Variants in PLEKHH2 observed in about 807,000 individuals in gnomAD.
The protein encoded by PLEKHH2 is pleckstrin homology, MyTH4 and FERM domain containing H2.
PLEKHH2 carries 129 observed loss-of-function variants against 187.9 expected under a neutral mutation model. The ratio of observed to expected loss-of-function variants is 0.69; its 90% CI spans 0.59 to 0.79. The LOEUF is 0.79. Ranked by LOEUF, PLEKHH2 falls within the 30% of genes least tolerant of loss-of-function variation. The pLI is 0.00. For synonymous variants in PLEKHH2, 686 were observed against 605.6 expected, an observed-to-expected ratio of 1.13 and a Z score of -1.95; for missense variants, 2,076 against 1,751.2, an observed-to-expected ratio of 1.19 and a Z score of -3.31.
chr2:43,681,342 G>A (rs1246611438), intron 3 of PLEKHH2: 20 of 1,143,194 alleles, frequency 1.7e-5, no homozygotes, highest in Admixed American at 6.1e-5. Context: ...GCTCCATTGG[G>A]GTCACCTGTC....
At chr2:43,752,093 T>C (rs1672034327) in intron 24 of PLEKHH2, among the ~76,000 whole-genome samples, 1 of 152,196 alleles carries the variant, frequency 6.6e-6, no homozygotes, top group Admixed American at 6.5e-5. Flanking sequence ...AACACTTAGC[T>C]AAACTCTAAT....
At chr2:43,756,685 C>T (rs993803962) in intron 25 of PLEKHH2, among the ~76,000 whole-genome samples, 5 of 152,142 alleles carry the variant, frequency 3.3e-5, no homozygotes, top group East Asian at 1.9e-4. Context: ...CTCTGGCTCA[C>T]GCTTGCAATC....
Position 43,765,438 on chromosome 2 carries a change from C to G in PLEKHH2, c.4322C>G (p.Ala1441Gly). 6.2e-7 allele frequency: 1 copy of G among 1,614,086 alleles called. No homozygotes were observed. Among genetic ancestry groups the G allele is most frequent in the Non-Finnish European group, 8.5e-7 (1 of 1,179,980 alleles). Residue 1441 changes from alanine (A) to glycine (G), a missense_variant, in exon 30 of 30, where the codon GCC (alanine) becomes GGC (glycine). Physicochemically the swap from Ala to Gly is moderately conservative, Grantham distance 60. Transcript: ENST00000282406. ...PKILEITLLI[A>G]SYINNFHQQK... ...ATTCTTGAAATCACTCTTTTGATCG[C>G]CAGTTACATAAACAACTTCCATCAG...
rs1004400754 is a variant in PLEKHH2, at chr2:43,710,565, A to T, written c.2291A>T (p.Gln764Leu). 6.3e-7 allele frequency: 1 copy of T among 1,593,188 alleles called. No individual in the cohort carries two copies. Among genetic ancestry groups the T allele is most frequent in the Non-Finnish European group, 8.5e-7 (1 of 1,175,152 alleles). ...SCSILRGDNK[Q>L]TVQLTTEKHT... ...AGTATTTTAAGAGGAGATAACAAAC[A>T]AACAGTTCAGGTACTTAACTTTTTT... The change falls in exon 14 of 30, where the codon CAA (glutamine) becomes CTA (leucine). Residue 764 changes from glutamine to leucine, a missense_variant. By Grantham distance (113) the Gln-to-Leu change is moderately radical (BLOSUM62 -2). Coordinates refer to ENST00000282406, the MANE Select transcript of PLEKHH2 (RefSeq NM_172069.4).
intron 8 of PLEKHH2, 107 bp from the exon 9 acceptor site, chr2:43,703,874 T>C (rs1220497528): frequency 8.2e-6 from 6 of 736,098 alleles, no homozygotes; most frequent in Non-Finnish European, 1.1e-5. Flanking sequence ...CTAGTGAATC[T>C]TAAATGAAGA....
chr2:43,740,249 A>C (rs1317742740), intron 20 of PLEKHH2, among the ~76,000 whole-genome samples: 1 of 152,198 alleles, frequency 6.6e-6, no homozygotes, highest in Non-Finnish European at 1.5e-5. Flanking sequence ...AATGCTTAAC[A>C]TTTTTTAACA....
chr2:43,642,608 C>T (rs1198823033), intron 1 of PLEKHH2, among the ~76,000 whole-genome samples: 2 of 152,080 alleles, frequency 1.3e-5, no homozygotes, highest in Non-Finnish European at 2.9e-5. Context: ...TAGTAAACGT[C>T]CTCTATCAGG....
At chr2:43,666,699 G>A (rs1385659548) in intron 2 of PLEKHH2, among the ~76,000 whole-genome samples, 1 of 152,150 alleles carries the variant, frequency 6.6e-6, no homozygotes, top group Non-Finnish European at 1.5e-5. Flanking sequence ...TGTCTCTAAT[G>A]ACTAATGATG....
chr2:43,728,415 T>A (rs1444920787), intron 17 of PLEKHH2, among the ~76,000 whole-genome samples: 1 of 145,798 alleles, frequency 6.9e-6, no homozygotes. Context: ...GAGGCAGAGG[T>A]TGCAGTGAAT....
intron 2 of PLEKHH2, among the ~76,000 whole-genome samples, chr2:43,677,519 G>A (rs1260296665): frequency 2.0e-5 from 3 of 151,920 alleles, no homozygotes; most frequent in Non-Finnish European, 4.4e-5. Context: ...TTGGGGGTAA[G>A]GTCACAGATC....
chr2:43,646,893 T>C (rs2104334217), intron 2 of PLEKHH2, among the ~76,000 whole-genome samples: 1 of 151,962 alleles, frequency 6.6e-6, no homozygotes, highest in East Asian at 1.9e-4. Flanking sequence ...GGAATTATTC[T>C]GATGTGTTTT....
At chr2:43,713,820 T>A (rs1670084777) in intron 15 of PLEKHH2, among the ~76,000 whole-genome samples, 1 of 152,138 alleles carries the variant, frequency 6.6e-6, no homozygotes, top group Non-Finnish European at 1.5e-5. Context: ...GAAAATTAGA[T>A]GGAAAGTAAC....
Position 43,765,703 on chromosome 2 carries a change from T to G in PLEKHH2, c.*105T>G. ...GCAGCACGGCAGCCACACACCGGTA[T>G]TCCAAACCTTAACAATGAAGGGGGT... On this transcript the variant is annotated 3_prime_UTR_variant, in exon 30 of 30. Coordinates refer to ENST00000282406, the MANE Select transcript of PLEKHH2 (RefSeq NM_172069.4). The G allele has an allele frequency of 9.5e-7, 1 of 1,047,256 alleles. No individual in the cohort carries two copies. Among genetic ancestry groups the G allele is most frequent in the Non-Finnish European group, 1.3e-6 (1 of 743,698 alleles). 64.9% of individuals were successfully genotyped at this position (1,047,256 alleles called of 1,614,324 possible).
intron 2 of PLEKHH2, among the ~76,000 whole-genome samples, chr2:43,671,846 G>T (rs1263974980): frequency 6.6e-6 from 1 of 152,178 alleles, no homozygotes; most frequent in Admixed American, 6.5e-5. Context: ...ATTTGGATTG[G>T]ATTTGCTGAT....
At chr2:43,750,938 A>G (rs1313916296) in intron 24 of PLEKHH2, among the ~76,000 whole-genome samples, 1 of 152,200 alleles carries the variant, frequency 6.6e-6, no homozygotes, top group East Asian at 1.9e-4. Context: ...CAGTGCTGTA[A>G]CAGGAAGAAT....
chr2:43,639,282 A>G (rs1703258580), intron 1 of PLEKHH2, among the ~76,000 whole-genome samples: 1 of 152,222 alleles, frequency 6.6e-6, no homozygotes, highest in South Asian at 2.1e-4. Context: ...TAAGTCACAA[A>G]CTATAAGATT....
intron 16 of PLEKHH2, 24 bp downstream of exon 16, chr2:43,720,773 C>A (rs116119494): frequency 6.3e-6 from 10 of 1,585,098 alleles, no homozygotes; most frequent in Non-Finnish European, 8.5e-6. Flanking sequence ...TTTAATATGC[C>A]AATTGAAGTA....
At chr2:43,702,438 T>C (rs1452364082) in intron 8 of PLEKHH2, among the ~76,000 whole-genome samples, 1 of 151,926 alleles carries the variant, frequency 6.6e-6, no homozygotes, top group African/African-American at 2.4e-5. Flanking sequence ...CAGCAAGAAA[T>C]TGAAATTTTG....
Position 43,723,599 on chromosome 2 carries a change from G to A in PLEKHH2, c.2542-2673G>A, listed in dbSNP as rs185988579. Among the ~76,000 whole-genome samples, 36 of 152,276 alleles carry A rather than the reference G, an allele frequency of 2.4e-4. 1 individual carries two copies. In the Middle Eastern group the frequency reaches 0.014, roughly 58 times the overall value. On this transcript the variant is annotated intron_variant, in intron 16 of 29. Transcript: ENST00000282406. The stretch of plus-strand genomic sequence containing the variant: ...AAGGGAGGATATCTTTCATATAGGC[G>A]TTATGAAAGGCAGGTTCCCTCCTGC...
Sources: allele counts gnomAD v4.1 joint callset (sites outside exome capture counted in the v4.1 genomes callset), GRCh38; gene constraint gnomAD v4.1.1; transcripts MANE v1.5; gene names NCBI Gene and HGNC (gene_info 2026-07-23, HGNC 2026-07-21).